The following SP100 variants were observed in gnomAD, a reference collection of about 807,000 sequenced individuals.
SP100 encodes the protein SP100 nuclear body protein, also known as nuclear autoantigen Sp-100.
In SP100, 84 loss-of-function variants were observed where a neutral mutation model predicts 130.0. The ratio of observed to expected loss-of-function variants is 0.65; its 90% CI spans 0.54 to 0.77. SP100 has a LOEUF of 0.77. Among genes scored for constraint, SP100 ranks in the 30% least tolerant of loss-of-function variants. The pLI is 0.00. For synonymous variants in SP100, 331 were observed against 351.7 expected (o/e 0.94, Z 0.66); for missense variants, 978 against 1,052.2 (o/e 0.93, Z 0.97).
At chr2:230,518,807 T>C (rs1575796229) in intron 24 of SP100, among the ~76,000 whole-genome samples, 1 of 152,210 alleles carries the variant, frequency 6.6e-6, no homozygotes, top group African/African-American at 2.4e-5. Context: ...AGTATTTTGC[T>C]GATAACTTAG....
At chr2:230,522,139 T>G (rs1377119291) in intron 24 of SP100, among the ~76,000 whole-genome samples, 2 of 152,130 alleles carry the variant, frequency 1.3e-5, no homozygotes, top group Non-Finnish European at 2.9e-5. Context: ...AATTTCTGTT[T>G]GCAGGCTGAA....
chr2:230,447,900 A>C (rs1190732477), intron 5 of SP100, among the ~76,000 whole-genome samples: 11 of 152,044 alleles, frequency 7.2e-5, no homozygotes. Flanking sequence ...CTCTAATCTC[A>C]TGTTCAGCTC....
At chr2:230,505,140 A>G (rs1424589876) in intron 21 of SP100, among the ~76,000 whole-genome samples, 5 of 152,176 alleles carry the variant, frequency 3.3e-5, no homozygotes, top group African/African-American at 7.2e-5. Context: ...AACCTTGCAT[A>G]TAGGCCCTCT....
intron 2 of SP100, among the ~76,000 whole-genome samples, chr2:230,426,530 T>TTTAA (rs397829082): frequency 6.6e-6 from 1 of 150,860 alleles, no homozygotes; most frequent in African/African-American, 2.4e-5. Flanking sequence ...CCTTACATTA[T>TTTAA]ATATTCCGTA....
chr2:230,472,286 G>C lies in SP100; in HGVS notation c.1430-1038G>C, dbSNP rs376190674. Among the ~76,000 whole-genome samples the C allele has an allele frequency of 1.1e-4, 16 of 152,054 alleles. 1 individual carries two copies. The East Asian group carries it at 2.9e-3, about 28-fold the overall frequency. On this transcript the variant is annotated intron_variant, in intron 15 of 28. Coordinates refer to ENST00000340126, the MANE Select transcript of SP100 (RefSeq NM_001080391.2). ...TACTAAAAACAAAAAAAATTAGCCA[G>C]GCATGGTGGCAGGCAGCTGTAGCTC...
Position 230,513,644 on chromosome 2 carries a change from A to T in SP100, c.2094+2478A>T, listed in dbSNP as rs555984728. Among the ~76,000 whole-genome samples the T allele has an allele frequency of 3.3e-5, 5 of 152,212 alleles. No homozygotes were observed. In the South Asian group the frequency reaches 1.0e-3, roughly 32 times the overall value. On this transcript the variant is annotated intron_variant, in intron 24 of 28. Coordinates refer to ENST00000340126, the MANE Select transcript of SP100 (RefSeq NM_001080391.2). ...AGGAGGTCATGTCCCTCGGTGGGGG[A>T]AAAAAACCTTGTTATTGCAATCAGG...
At chr2:230,488,893 T>G (rs1217769932) in intron 17 of SP100, among the ~76,000 whole-genome samples, 1 of 151,718 alleles carries the variant, frequency 6.6e-6, no homozygotes, top group Non-Finnish European at 1.5e-5. Flanking sequence ...GATGGATATG[T>G]TTTTTAATGT....
At chr2:230,488,905 C>T (rs899829533) in intron 17 of SP100, among the ~76,000 whole-genome samples, 4 of 152,174 alleles carry the variant, frequency 2.6e-5, no homozygotes, top group Non-Finnish European at 5.9e-5. Flanking sequence ...TTTTAATGTA[C>T]TGCTGGATTC....
chr2:230,467,942 G>A (rs560895367), intron 13 of SP100, among the ~76,000 whole-genome samples: 1 of 152,296 alleles, frequency 6.6e-6, no homozygotes, highest in South Asian at 2.1e-4. Flanking sequence ...TCTAGTTATT[G>A]ACAGAAAGAA....
At chr2:230,495,805 CT>C (rs1173361335) in intron 18 of SP100, among the ~76,000 whole-genome samples, 1 of 151,964 alleles carries the variant, frequency 6.6e-6, no homozygotes, top group Admixed American at 6.6e-5. Flanking sequence ...ATTTTTGCAT[CT>C]TGTAAAATAC....
intron 18 of SP100, among the ~76,000 whole-genome samples, chr2:230,496,479 G>A (rs2150049870): frequency 6.6e-6 from 1 of 152,292 alleles, no homozygotes; most frequent in East Asian, 1.9e-4. Flanking sequence ...GGAGGAGGAG[G>A]AGAAGGAAGT....
intron 17 of SP100, among the ~76,000 whole-genome samples, chr2:230,488,413 T>TTTG (rs968043722): frequency 6.6e-6 from 1 of 152,152 alleles, no homozygotes; most frequent in Non-Finnish European, 1.5e-5. Flanking sequence ...TTTTGTTGTT[T>TTTG]TTGTTGTTGT....
rs73998842 is a variant in SP100 at position 230,502,958 on chromosome 2, T to C, written c.1721-108T>C. 1,636 of 835,790 alleles carry C rather than the reference T, an allele frequency of 2.0e-3. 22 individuals are homozygous for C. The African/African-American group carries it at 0.026, about 13-fold the overall frequency. The allele number at this position is 835,790 out of a possible 1,614,324, so 51.8% of individuals were successfully genotyped here. A position where few individuals can be genotyped will look rare whatever the true frequency, so the allele number is the denominator to read the frequency against. The stretch of plus-strand genomic sequence containing the variant: ...AAGTTCCCGACTCCTGATATTTTTC[T>C]TTAAGTTCTAGACAGGATCCTGAAA... On this transcript the variant is annotated intron_variant, in intron 19 of 28. Coordinates refer to ENST00000340126, the MANE Select transcript of SP100 (RefSeq NM_001080391.2).
intron 1 of SP100, chr2:230,416,938 G>A (rs2062615718): frequency 6.2e-6 from 6 of 964,400 alleles, no homozygotes; most frequent in Non-Finnish European, 7.4e-6. Flanking sequence ...CAAGATGGGG[G>A]ATACCTCTGA....
In SP100 at chr2:230,544,419, T is replaced by A. The variant is rs1324963936; in HGVS notation, c.*1473T>A. Among the ~76,000 whole-genome samples the A allele has an allele frequency of 6.6e-6, 1 of 152,074 alleles. No individual in the cohort carries two copies. Among genetic ancestry groups the A allele is most frequent in the Admixed American group, 6.6e-5 (1 of 15,260 alleles). ...ACAAAGGTCTAATAGCCAGCTTCTA[T>A]AGGGAACTTAAACAAATTTACAAGA... On this transcript the variant is annotated 3_prime_UTR_variant, in exon 29 of 29. Transcript: ENST00000340126.
chr2:230,479,508 A>G (rs1366660888), intron 17 of SP100, among the ~76,000 whole-genome samples: 1 of 152,130 alleles, frequency 6.6e-6, no homozygotes, highest in Admixed American at 6.5e-5. Flanking sequence ...TCACACTCCC[A>G]ACCCTCCCAC....
At chr2:230,438,731 CAT>C (rs754042713) in intron 2 of SP100, among the ~76,000 whole-genome samples, 1 of 146,536 alleles carries the variant, frequency 6.8e-6, no homozygotes, top group Non-Finnish European at 1.5e-5. Flanking sequence ...TGTATATATA[CAT>C]ATATATATCA....
chr2:230,447,221 C>T (rs1195147949), intron 5 of SP100, among the ~76,000 whole-genome samples: 1 of 152,132 alleles, frequency 6.6e-6, no homozygotes, highest in Non-Finnish European at 1.5e-5. Context: ...GAACCACAGC[C>T]CGTGGCCCGT....
At chr2:230,493,395 T>G (rs2066493192) in intron 17 of SP100, among the ~76,000 whole-genome samples, 1 of 152,138 alleles carries the variant, frequency 6.6e-6, no homozygotes, top group Non-Finnish European at 1.5e-5. Flanking sequence ...TTTTTTATTT[T>G]TAGGAGAGAT....
Sources: gnomAD v4.1 joint callset for allele counts (sites outside exome capture counted in the v4.1 genomes callset) on GRCh38, gnomAD v4.1.1 for gene constraint, MANE v1.5 for transcripts, NCBI Gene and HGNC (gene_info 2026-07-23, HGNC 2026-07-21) for gene names.